Variants in HDAC5 observed in about 807,000 individuals in gnomAD.
HDAC5 encodes the protein histone deacetylase 5.
HDAC5 carries 25 observed loss-of-function variants against 133.3 expected under a neutral mutation model. The observed-to-expected ratio is 0.19, with a 90% CI of 0.14 to 0.26. HDAC5 has a LOEUF of 0.26. Ranked by LOEUF, HDAC5 falls within the 10% of genes least tolerant of loss-of-function variation. The pLI, the probability that HDAC5 is intolerant of heterozygous loss-of-function variation, is 1.00. For synonymous variants in HDAC5, 589 were observed against 610.8 expected (o/e 0.96, Z 0.53); for missense variants, 1,041 against 1,460.5 (o/e 0.71, Z 4.68).
intron 2 of HDAC5, chr17:44,111,577 G>A: frequency 1.9e-6 from 1 of 517,064 alleles, no homozygotes; most frequent in Non-Finnish European, 3.9e-6. Context: ...CTTTCTTCTT[G>A]CCTTCCAGAA....
chr17:44,118,689 A>G (rs1211123065), intron 1 of HDAC5, among the ~76,000 whole-genome samples: 1 of 152,088 alleles, frequency 6.6e-6, no homozygotes, highest in Non-Finnish European at 1.5e-5. Context: ...CACCCCAGAC[A>G]TGATCTCATT....
intron 13 of HDAC5, among the ~76,000 whole-genome samples, chr17:44,087,003 C>T (rs1432572835): frequency 4.7e-5 from 6 of 127,090 alleles, no homozygotes; most frequent in South Asian, 2.7e-4. Context: ...GGGGTGGGGG[C>T]GGGATGAGTC....
rs1443942219 is a variant in HDAC5 at position 44,117,149 on chromosome 17, C to T, written c.22+345G>A. Among the ~76,000 whole-genome samples the T allele has an allele frequency of 6.6e-6, 1 of 152,220 alleles. No individual in the cohort carries two copies. Among genetic ancestry groups the T allele is most frequent in the Non-Finnish European group, 1.5e-5 (1 of 68,044 alleles). On this transcript the variant is annotated intron_variant, in intron 2 of 26. Transcript: ENST00000682912. This position sits in a 1 kb window ranked among gnomAD's most constrained non-coding sequence, Gnocchi z 4.2. Reference sequence around the variant, plus strand: ...AGTAAAGAAATTCCTCCAACATCATCCCAGACTGCCCAGAGAGATTAAGGG... The same window carrying T: ...AGTAAAGAAATTCCTCCAACATCATTCCAGACTGCCCAGAGAGATTAAGGG...
rs1331238004 is a variant in HDAC5, at chr17:44,083,660, G to A, written c.2356-8C>T. ...CACGGTGTCACTGTCCACCTGCAGGGCAGGAGAGCAGGTTTCAGTGTGCCC... is the reference window on the plus strand; with the variant it reads ...CACGGTGTCACTGTCCACCTGCAGGACAGGAGAGCAGGTTTCAGTGTGCCC... On this transcript the variant is annotated splice_polypyrimidine_tract_variant and splice_region_variant and intron_variant, in intron 17 of 26. Transcript: ENST00000682912. The A allele has an allele frequency of 6.2e-7, 1 of 1,610,442 alleles. No individual in the cohort carries two copies.
At chr17:44,103,730 C>T (rs1178286433) in intron 3 of HDAC5, among the ~76,000 whole-genome samples, 1 of 148,416 alleles carries the variant, frequency 6.7e-6, no homozygotes, top group South Asian at 2.1e-4. Flanking sequence ...TTTTTTGAGA[C>T]GTAGTTTCGC....
chr17:44,114,755 C>A (rs1371103461), intron 2 of HDAC5, among the ~76,000 whole-genome samples: 1 of 152,230 alleles, frequency 6.6e-6, no homozygotes, highest in Non-Finnish European at 1.5e-5. Context: ...GTCAGCCTTT[C>A]AGCCCCACTG....
At chr17:44,102,736 G>A (rs933427012) in intron 3 of HDAC5, among the ~76,000 whole-genome samples, 3 of 148,864 alleles carry the variant, frequency 2.0e-5, no homozygotes, top group Non-Finnish European at 4.4e-5. Flanking sequence ...GGGTGATCTC[G>A]GGTCACTGCA....
intron 14 of HDAC5, among the ~76,000 whole-genome samples, chr17:44,085,912 G>A (rs1052853447): frequency 6.6e-6 from 1 of 152,142 alleles, no homozygotes; most frequent in Non-Finnish European, 1.5e-5. Context: ...AAAATGCTGG[G>A]ATTACAGGTG....
Position 44,079,272 on chromosome 17 carries a change from C to T in HDAC5, c.2950G>A (p.Gly984Ser). The change falls in exon 24 of 27, where the codon GGC becomes AGC. Residue 984 changes from glycine (G) to serine (S), a missense_variant. Around this residue, in one of 9 missense-constraint regions of HDAC5, gnomAD observed 174 missense variants for 352.7 expected, o/e 0.49. Coordinates refer to ENST00000682912, the MANE Select transcript of HDAC5 (RefSeq NM_005474.5). Reference protein sequence around the residue: ...GGYSVTARCFGHLTRQLMTLA... With the variant: ...GGYSVTARCFSHLTRQLMTLA... Reference sequence around the variant, plus strand: ...GTCATCAGCTGCCTGGTCAAGTGGCCAAAACCTTTGAGGATGGGTGAAGGG... The same window carrying T: ...GTCATCAGCTGCCTGGTCAAGTGGCTAAAACCTTTGAGGATGGGTGAAGGG... The T allele has an allele frequency of 6.2e-7, 1 of 1,613,390 alleles. No individual in the cohort carries two copies. The highest frequency in any genetic ancestry group is 8.5e-7 in the Non-Finnish European group (1 of 1,179,672).
intron 14 of HDAC5, among the ~76,000 whole-genome samples, chr17:44,085,703 TGTTG>T (rs2050614959): frequency 6.6e-6 from 1 of 152,168 alleles, no homozygotes; most frequent in Admixed American, 6.5e-5. Flanking sequence ...GGTTTTACCA[TGTTG>T]GCCAGGCTGG....
chr17:44,103,632 G>A (rs2051753551), intron 3 of HDAC5, among the ~76,000 whole-genome samples: 1 of 152,156 alleles, frequency 6.6e-6, no homozygotes, highest in Non-Finnish European at 1.5e-5. Context: ...TATTATTAAT[G>A]GCTCCTCATA....
At chr17:44,089,538 A>C (rs921645691) in intron 11 of HDAC5, among the ~76,000 whole-genome samples, 27 of 152,130 alleles carry the variant, frequency 1.8e-4, no homozygotes, top group Non-Finnish European at 3.7e-4. Context: ...TGAGGTCAGG[A>C]GTTCAAGACC....
chr17:44,088,243 C>T, intron 12 of HDAC5, 144 bp downstream of exon 12: 1 of 1,312,222 alleles, frequency 7.6e-7, no homozygotes, highest in South Asian at 1.5e-5. Context: ...GAACTCCTGA[C>T]CTCAGGCGAT....
chr17:44,080,567 C>A, intron 21 of HDAC5, 69 bp from the exon 22 acceptor site: 1 of 1,536,392 alleles, frequency 6.5e-7, no homozygotes, highest in Non-Finnish European at 9.0e-7. Context: ...CCTGCCCTCA[C>A]CCCTGCCTCC....
chr17:44,091,062 C>A (rs2050922537), intron 11 of HDAC5, among the ~76,000 whole-genome samples: 1 of 152,216 alleles, frequency 6.6e-6, no homozygotes, highest in Non-Finnish European at 1.5e-5. Context: ...CTGAACAACA[C>A]TGCTCTGGGA....
At position 44,078,823 on chromosome 17, in the gene HDAC5, G is replaced by A. The variant is rs770427166; in HGVS notation, c.3135C>T (p.Ala1045=). ...LQQKPNINAV[A]TLEKVIEIQS... ...GGATCTCGATGACTTTCTCTAGCGT[G>A]GCCACTGCGTTGATGTTGGGCTTTT... Residue 1045 remains alanine, a synonymous_variant, in exon 25 of 27, where the codon GCC becomes GCT. Coordinates refer to ENST00000682912, the MANE Select transcript of HDAC5 (RefSeq NM_005474.5). The A allele has an allele frequency of 3.3e-5, 53 of 1,614,038 alleles. No homozygotes were observed. The highest frequency in any genetic ancestry group is 4.3e-5 in the Non-Finnish European group (51 of 1,180,020).
intron 3 of HDAC5, among the ~76,000 whole-genome samples, chr17:44,108,247 G>A (rs948148104): frequency 6.6e-6 from 1 of 152,158 alleles, no homozygotes; most frequent in Non-Finnish European, 1.5e-5. Flanking sequence ...TGTCTTACCC[G>A]CTGGGGTGAC....
In HDAC5 at chr17:44,093,599, C is replaced by A. The variant is rs918686190; in HGVS notation, c.330G>T (p.Glu110Asp). ...KQHDHLTRQH[E>D]VQLQKHLKQQ... Reference sequence around the variant, plus strand: ...CCTTGAGGTGCTTCTGCAGCTGGACCTCATGCTGCCTTGTCAGGTGGTCAT... The same window carrying A: ...CCTTGAGGTGCTTCTGCAGCTGGACATCATGCTGCCTTGTCAGGTGGTCAT... Residue 110 changes from glutamate to aspartate, a missense_variant, in exon 4 of 27, where the codon GAG (glutamate) becomes GAT (aspartate). This residue lies in a region of HDAC5 where 109 missense variants were observed against 168.0 expected (regional missense o/e 0.65). Coordinates refer to ENST00000682912, the MANE Select transcript of HDAC5 (RefSeq NM_005474.5). The A allele has an allele frequency of 6.2e-7, 1 of 1,610,292 alleles. No homozygotes were observed. The highest frequency in any genetic ancestry group is 1.7e-5 in the Admixed American group (1 of 59,868).
At chr17:44,115,943 A>C (rs1429124334) in intron 2 of HDAC5, 1 of 152,204 alleles carries the variant, frequency 6.6e-6, no homozygotes, top group Non-Finnish European at 1.5e-5. Flanking sequence ...CACTCTTGTC[A>C]GCTCCCACAG....
Sources: gnomAD v4.1 joint callset for allele counts (sites outside exome capture counted in the v4.1 genomes callset) on GRCh38, gnomAD v4.1.1 for gene constraint, gnomAD v4.1.1 regional missense constraint, Gnocchi (gnomAD v3.1) non-coding constraint, MANE v1.5 for transcripts, NCBI Gene and HGNC (gene_info 2026-07-23, HGNC 2026-07-21) for gene names.